Variants in CDH2 observed in about 807,000 individuals in gnomAD.
CDH2 encodes the protein cadherin 2, also known as cadherin-2.
Under a neutral mutation model 92.0 loss-of-function variants are expected in CDH2, and 17 were observed. The observed-to-expected ratio is 0.18, with a 90% confidence interval of 0.13 to 0.28. The LOEUF (loss-of-function observed/expected upper bound fraction) is 0.28, where lower values mean the gene tolerates loss of function less well. Ranked by LOEUF, CDH2 falls within the 10% of genes least tolerant of loss-of-function variation. CDH2 has a pLI of 1.00. For missense variants in CDH2, 862 were observed against 1,133.1 expected, an observed-to-expected ratio of 0.76 and a Z score of 3.44; for synonymous variants, 419 against 415.9, an observed-to-expected ratio of 1.01 and a Z score of -0.09.
intron 2 of CDH2, among the ~76,000 whole-genome samples, chr18:28,102,193 A>G (rs1191325048): frequency 6.6e-6 from 1 of 152,266 alleles, no homozygotes; most frequent in African/African-American, 2.4e-5. Flanking sequence ...AAAGTATTAC[A>G]TTCTCCGTAA....
intron 2 of CDH2, among the ~76,000 whole-genome samples, chr18:28,055,879 G>T (rs942362135): frequency 3.9e-5 from 6 of 152,138 alleles, no homozygotes; most frequent in Admixed American, 3.3e-4. Context: ...TGTGTATACA[G>T]AAAGTGTTAC....
At chr18:28,052,354 T>G (rs2014208752) in intron 2 of CDH2, among the ~76,000 whole-genome samples, 1 of 152,206 alleles carries the variant, frequency 6.6e-6, no homozygotes, top group African/African-American at 2.4e-5. Context: ...ACTTGAATTT[T>G]AGTTTATATT....
chr18:28,081,947 G>T (rs1406979280), intron 2 of CDH2, among the ~76,000 whole-genome samples: 2 of 152,064 alleles, frequency 1.3e-5, no homozygotes, highest in African/African-American at 4.8e-5. Flanking sequence ...CATTTTCCTC[G>T]TCATCTTTTG....
At chr18:27,953,325 G>T (rs1166227800) in intron 15 of CDH2, among the ~76,000 whole-genome samples, 1 of 152,054 alleles carries the variant, frequency 6.6e-6, no homozygotes, top group African/African-American at 2.4e-5. Context: ...GAGTCTCTAT[G>T]CTCTGCAAAA....
In CDH2 at chr18:28,133,426, A is replaced by T. The variant is rs550594224; in HGVS notation, c.172+14247T>A. ...GTGAAACTCCGTCTCTACTAAAAAT[A>T]CAAAAAATTAGCCGGGTGTGGTGTG... On this transcript the variant is annotated intron_variant, in intron 2 of 15. Transcript: ENST00000269141. Among the ~76,000 whole-genome samples, 4 of 151,944 alleles carry T rather than the reference A, an allele frequency of 2.6e-5. No homozygotes were observed. In the South Asian group the frequency reaches 8.3e-4, roughly 32 times the overall value.
chr18:27,975,196 C>T (rs2011785873), intron 14 of CDH2, among the ~76,000 whole-genome samples: 1 of 152,126 alleles, frequency 6.6e-6, no homozygotes, highest in Non-Finnish European at 1.5e-5. Flanking sequence ...CAGTCAGCAA[C>T]AGACTTGAGT....
intron 2 of CDH2, among the ~76,000 whole-genome samples, chr18:28,088,477 T>C (rs2014977706): frequency 6.6e-6 from 1 of 152,236 alleles, no homozygotes; most frequent in African/African-American, 2.4e-5. Context: ...TTAGCTCAGA[T>C]ACCCTTTCTA....
intron 6 of CDH2, among the ~76,000 whole-genome samples, chr18:27,940,314 T>G (rs1425894315): frequency 6.6e-6 from 1 of 152,196 alleles, no homozygotes; most frequent in Non-Finnish European, 1.5e-5. Context: ...TGGGTAATCC[T>G]GCATGGCGGG....
chr18:28,159,613 T>C (rs2016274291), intron 1 of CDH2, among the ~76,000 whole-genome samples: 1 of 151,498 alleles, frequency 6.6e-6, no homozygotes, highest in Non-Finnish European at 1.5e-5. Context: ...CTTGGGCTTC[T>C]GGCAGTGGGA....
chr18:28,171,170 T>A (rs1414146794), intron 1 of CDH2, among the ~76,000 whole-genome samples: 2 of 149,558 alleles, frequency 1.3e-5, no homozygotes, highest in African/African-American at 4.9e-5. Flanking sequence ...ACGGAGGATG[T>A]AGTTGAGCCA....
chr18:28,056,900 G>A (rs17446162), intron 2 of CDH2, among the ~76,000 whole-genome samples: 3,659 of 152,240 alleles, frequency 0.024, 64 homozygotes, highest in East Asian at 0.054. Context: ...GCATGGATAT[G>A]TTATTGGTAT....
At position 28,009,840 on chromosome 18, in the gene CDH2, C is replaced by T; in HGVS notation, c.579G>A (p.Leu193=). ...IRSDRDKNLS[L]RYSVTGPGAD... ...CTCCTGGCCCAGTTACACTGTACCG[C>T]AGTGAAAGGTTTTTATCTCTATCAG... is the stretch of plus-strand genomic sequence containing the variant. The change falls in exon 5 of 16, where the codon CTG becomes CTA. Residue 193 remains leucine, a synonymous_variant. Coordinates refer to ENST00000269141, the MANE Select transcript of CDH2 (RefSeq NM_001792.5). 1 of 1,613,230 alleles carries T rather than the reference C, an allele frequency of 6.2e-7. No homozygotes were observed. The highest frequency in any genetic ancestry group is 8.5e-7 in the Non-Finnish European group (1 of 1,179,632).
intron 2 of CDH2, among the ~76,000 whole-genome samples, chr18:28,083,108 T>C (rs1171660244): frequency 6.6e-6 from 1 of 152,194 alleles, no homozygotes; most frequent in Non-Finnish European, 1.5e-5. Flanking sequence ...GTTGATCTGG[T>C]TGCAGAGCTA....
intron 7 of CDH2, among the ~76,000 whole-genome samples, chr18:28,001,404 T>C (rs148689352): frequency 1.2e-4 from 18 of 152,274 alleles, no homozygotes; most frequent in Admixed American, 1.2e-3. Flanking sequence ...ACAATGACAA[T>C]GTGAATGAAA....
rs953410651 is a variant in CDH2, at chr18:27,985,470, T to C, written c.1975+58A>G. Reference sequence around the variant, plus strand: ...TGAAGCACATAAAATTAACTTTTCATGCCAGGCTTCAAAATCTCTCAACTG... The same window carrying C: ...TGAAGCACATAAAATTAACTTTTCACGCCAGGCTTCAAAATCTCTCAACTG... On this transcript the variant is annotated intron_variant, in intron 12 of 15. Transcript: ENST00000269141. 10 of 1,163,072 alleles carry C rather than the reference T, an allele frequency of 8.6e-6. No homozygotes were observed. In the African/African-American group the frequency reaches 9.3e-5, roughly 11 times the overall value. 72.0% of individuals were successfully genotyped at this position (1,163,072 alleles called of 1,614,324 possible). A position where few individuals can be genotyped will look rare whatever the true frequency, so the allele number is the denominator to read the frequency against.
In CDH2 at chr18:28,117,034, A is replaced by T. The variant is rs149721191; in HGVS notation, c.172+30639T>A. Among the ~76,000 whole-genome samples the T allele has an allele frequency of 2.0e-4, 30 of 152,240 alleles. No homozygotes were observed. In the Middle Eastern group the frequency reaches 0.017, roughly 86 times the overall value. Reference sequence around the variant, plus strand: ...TACTCTTCCTCCCTCACAAATTACAATGTATTTGAGATAAATCTTCTAATT... The same window carrying T: ...TACTCTTCCTCCCTCACAAATTACATTGTATTTGAGATAAATCTTCTAATT... On this transcript the variant is annotated intron_variant, in intron 2 of 15. Coordinates refer to ENST00000269141, the MANE Select transcript of CDH2 (RefSeq NM_001792.5).
At chr18:27,939,870 G>T (rs1321542876) in intron 6 of CDH2, among the ~76,000 whole-genome samples, 1 of 152,162 alleles carries the variant, frequency 6.6e-6, no homozygotes, top group Non-Finnish European at 1.5e-5. Context: ...GCCCTCAGTT[G>T]TCAGCCCTCT....
chr18:28,036,592 C>A, intron 2 of CDH2: 1 of 1,374,274 alleles, frequency 7.3e-7, no homozygotes. Flanking sequence ...GCTTAGTGAA[C>A]AAAGTCATAA....
intron 2 of CDH2, among the ~76,000 whole-genome samples, chr18:28,048,671 A>G (rs1466584181): frequency 6.6e-6 from 1 of 152,190 alleles, no homozygotes; most frequent in Non-Finnish European, 1.5e-5. Flanking sequence ...GAAGCACCAT[A>G]ACCATGACAC....
Sources: gnomAD v4.1 joint callset for allele counts (sites outside exome capture counted in the v4.1 genomes callset) on GRCh38, gnomAD v4.1.1 for gene constraint, MANE v1.5 for transcripts, NCBI Gene and HGNC (gene_info 2026-07-23, HGNC 2026-07-21) for gene names.